The following TICAM2 variants were observed in gnomAD, a reference collection of about 807,000 sequenced individuals.
TICAM2 encodes the protein TIR domain-containing adapter molecule 2.
A neutral mutation model predicts 7.3 loss-of-function variants in TICAM2; 8 were observed. The ratio of observed to expected loss-of-function variants is 1.10; its 90% CI spans 0.65 to 1.99. The LOEUF (loss-of-function observed/expected upper bound fraction) is 1.99. TICAM2 is among the 30% of genes most tolerant of loss of function. TICAM2 has a pLI of 0.00. For synonymous variants in TICAM2, 113 were observed against 99.6 expected (o/e 1.13, Z -0.80); for missense variants, 304 against 278.8 (o/e 1.09, Z -0.65).
intron 1 of TICAM2, among the ~76,000 whole-genome samples, chr5:115,595,807 C>A (rs1265167923): frequency 6.6e-6 from 1 of 152,174 alleles, no homozygotes; most frequent in African/African-American, 2.4e-5. Context: ...TTAGAATGTA[C>A]CCTTGCCCAA....
intron 1 of TICAM2, among the ~76,000 whole-genome samples, chr5:115,586,232 TATTAAG>T (rs977734170): frequency 2.0e-5 from 3 of 152,182 alleles, no homozygotes; most frequent in Admixed American, 6.5e-5. Context: ...TTGTCATTAT[TATTAAG>T]ATTAACTATT....
chr5:115,599,070 A>T (rs1380841785), intron 1 of TICAM2, among the ~76,000 whole-genome samples: 1 of 151,902 alleles, frequency 6.6e-6, no homozygotes, highest in Non-Finnish European at 1.5e-5. Context: ...CTCAAAAAAA[A>T]AAAAAAAAAA....
intron 1 of TICAM2, among the ~76,000 whole-genome samples, chr5:115,590,883 A>T (rs1388628419): frequency 6.6e-6 from 1 of 152,104 alleles, no homozygotes; most frequent in Non-Finnish European, 1.5e-5. Context: ...ATTTAACTAT[A>T]CCATCATGTG....
intron 1 of TICAM2, among the ~76,000 whole-genome samples, chr5:115,588,286 C>T (rs1369964171): frequency 6.6e-6 from 1 of 152,204 alleles, no homozygotes; most frequent in Non-Finnish European, 1.5e-5. Context: ...AGCTCTGTCT[C>T]TCCACCACCA....
chr5:115,581,291 G>A lies in TICAM2; in HGVS notation c.-35C>T, dbSNP rs1349235792. The A allele has an allele frequency of 2.5e-6, 4 of 1,600,632 alleles. No homozygotes were observed. The Admixed American group carries it at 5.0e-5, about 20-fold the overall frequency. The stretch of plus-strand genomic sequence containing the variant: ...CCAAGGCAGAAGAGGAAAACTTTAT[G>A]TATTTCTCAGCATTTCTTTTCAATC... On this transcript the variant is annotated 5_prime_UTR_variant, in exon 2 of 2. Coordinates refer to ENST00000427199, the MANE Select transcript of TICAM2 (RefSeq NM_021649.7).
intron 1 of TICAM2, among the ~76,000 whole-genome samples, chr5:115,593,849 C>G (rs1755405518): frequency 6.6e-6 from 1 of 152,246 alleles, no homozygotes; most frequent in Non-Finnish European, 1.5e-5. Context: ...ATAAGGAGCT[C>G]TGAAACAGAT....
At chr5:115,589,342 T>C (rs889234900) in intron 1 of TICAM2, among the ~76,000 whole-genome samples, 7 of 152,288 alleles carry the variant, frequency 4.6e-5, no homozygotes, top group African/African-American at 1.7e-4. Flanking sequence ...AAGAAACACA[T>C]AGACTATTCT....
At chr5:115,592,255 A>G (rs1270638405) in intron 1 of TICAM2, among the ~76,000 whole-genome samples, 2 of 152,258 alleles carry the variant, frequency 1.3e-5, no homozygotes, top group African/African-American at 4.8e-5. Flanking sequence ...AATCATATAT[A>G]AACGCAAGTG....
chr5:115,593,432 C>CA (rs1188546629), intron 1 of TICAM2, among the ~76,000 whole-genome samples: 2 of 151,624 alleles, frequency 1.3e-5, no homozygotes, highest in African/African-American at 2.4e-5. Flanking sequence ...TCCAATAGAT[C>CA]AAAAAATATC....
chr5:115,591,620 A>G lies in TICAM2; in HGVS notation c.-59-10305T>C, dbSNP rs540399391. Among the ~76,000 whole-genome samples, 95 of 152,330 alleles carry G rather than the reference A, an allele frequency of 6.2e-4. 3 individuals are homozygous for G. The highest frequency in any genetic ancestry group is 2.2e-3 in the African/African-American group (91 of 41,580). Reference sequence around the variant, plus strand: ...AAAAAAATCTAAAATTGAAAAATATAATAGTTGAAATTAAGAATTGAATGG... The same window carrying G: ...AAAAAAATCTAAAATTGAAAAATATGATAGTTGAAATTAAGAATTGAATGG... On this transcript the variant is annotated intron_variant, in intron 1 of 1. Coordinates refer to ENST00000427199, the MANE Select transcript of TICAM2 (RefSeq NM_021649.7).
At chr5:115,583,036 A>G (rs1281935754) in intron 1 of TICAM2, among the ~76,000 whole-genome samples, 2 of 152,210 alleles carry the variant, frequency 1.3e-5, no homozygotes, top group African/African-American at 4.8e-5. Context: ...AGGTATTCTA[A>G]GGCATAATAA....
At chr5:115,581,457 C>T (rs1299198722) in intron 1 of TICAM2, 142 bp from the exon 2 acceptor site, 1 of 1,018,506 alleles carries the variant, frequency 9.8e-7, no homozygotes, top group African/African-American at 1.6e-5. Flanking sequence ...AATTGGGAAG[C>T]TAAACTACTA....
chr5:115,596,714 T>C (rs1016341453), intron 1 of TICAM2, among the ~76,000 whole-genome samples: 5 of 152,050 alleles, frequency 3.3e-5, no homozygotes, highest in African/African-American at 9.7e-5. Flanking sequence ...GGTCAGGAGA[T>C]CAAGACCATC....
chr5:115,585,835 G>GATTT (rs987446947), intron 1 of TICAM2, among the ~76,000 whole-genome samples: 21 of 152,040 alleles, frequency 1.4e-4, no homozygotes, highest in Admixed American at 9.8e-4. Flanking sequence ...ATAGAAGGCA[G>GATTT]GAATAGAAGG....
intron 1 of TICAM2, among the ~76,000 whole-genome samples, chr5:115,590,123 G>A (rs1038298566): frequency 6.6e-6 from 1 of 152,088 alleles, no homozygotes; most frequent in Non-Finnish European, 1.5e-5. Context: ...CGAGGTGGGA[G>A]GATCACTTAT....
In TICAM2 at chr5:115,602,432, G is replaced by C. The variant is rs1392491706; in HGVS notation, c.-395C>G. On this transcript the variant is annotated 5_prime_UTR_variant, in exon 1 of 2. Coordinates refer to ENST00000427199, the MANE Select transcript of TICAM2 (RefSeq NM_021649.7). ...TGCCGTGGCAGGCCCCACCCGGGAC[G>C]TGGCGCTGCGGGCCGGGGCGGTCCA... 6.6e-6 allele frequency: 1 copy of C among 152,548 alleles called. No homozygotes were observed. The highest frequency in any genetic ancestry group is 2.4e-5 in the African/African-American group (1 of 41,454). The allele number at this position is 152,548 out of a possible 1,614,324, so 9.4% of individuals were successfully genotyped here.
intron 1 of TICAM2, among the ~76,000 whole-genome samples, chr5:115,591,211 C>T (rs1755289800): frequency 6.6e-6 from 1 of 152,212 alleles, no homozygotes; most frequent in Non-Finnish European, 1.5e-5. Flanking sequence ...TAGTGCTGTG[C>T]TTTTTGCCCC....
chr5:115,588,040 G>A (rs1755173461), intron 1 of TICAM2, among the ~76,000 whole-genome samples: 1 of 152,076 alleles, frequency 6.6e-6, no homozygotes, highest in Non-Finnish European at 1.5e-5. Flanking sequence ...AGCACCCACG[G>A]CTGCCAAGAA....
chr5:115,580,418 T>C lies in TICAM2; in HGVS notation c.*131A>G. ...GCTGTCCTGCAGAAATTTATCTTTC[T>C]TGTGCTCCATAGGTTTCTTTAAGGT... On this transcript the variant is annotated 3_prime_UTR_variant, in exon 2 of 2. Transcript: ENST00000427199. The C allele has an allele frequency of 8.5e-7, 1 of 1,178,940 alleles. No homozygotes were observed. The highest frequency in any genetic ancestry group is 1.1e-6 in the Non-Finnish European group (1 of 902,764). The allele number at this position is 1,178,940 out of a possible 1,614,324, so 73.0% of individuals were successfully genotyped here. A position where few individuals can be genotyped will look rare whatever the true frequency, so the allele number is the denominator to read the frequency against.
Sources: gnomAD v4.1 joint callset for allele counts (sites outside exome capture counted in the v4.1 genomes callset) on GRCh38, gnomAD v4.1.1 for gene constraint, MANE v1.5 for transcripts, NCBI Gene and HGNC (gene_info 2026-07-23, HGNC 2026-07-21) for gene names.